Variants in FAM178B observed in about 807,000 individuals in gnomAD.
FAM178B encodes protein FAM178B.
In FAM178B, 82 loss-of-function variants were observed where a neutral mutation model predicts 91.7. The ratio of observed to expected loss-of-function variants is 0.89; its 90% CI spans 0.75 to 1.07. The LOEUF is 1.07. FAM178B is among the 50% of genes least tolerant of loss of function. The pLI is 0.00. For missense variants in FAM178B, 769 were observed against 846.7 expected, an observed-to-expected ratio of 0.91 and a Z score of 1.14; for synonymous variants, 368 against 359.4, an observed-to-expected ratio of 1.02 and a Z score of -0.27.
At chr2:96,948,237 C>G (rs114979404) in intron 7 of FAM178B, among the ~76,000 whole-genome samples, 4,627 of 152,340 alleles carry the variant, frequency 0.03, 231 homozygotes, top group African/African-American at 0.097. Flanking sequence ...GTGGTCATAG[C>G]CATGCCCCTC....
At chr2:96,932,942 A>AC (rs1491441174) in intron 8 of FAM178B, among the ~76,000 whole-genome samples, 1 of 85,836 alleles carries the variant, frequency 1.2e-5, no homozygotes, top group African/African-American at 1.1e-4. Flanking sequence ...TCCGTCTCAC[A>AC]AAAAAAAAAA....
chr2:96,980,170 G>A lies in FAM178B; in HGVS notation c.73+6071C>T, dbSNP rs368038351. ...GGCTCACTGCAACCTCCGCCTCCCC[G>A]TTTTAAGCAATTCTCATGCCTCAGC... is the stretch of plus-strand genomic sequence containing the variant. On this transcript the variant is annotated intron_variant, in intron 1 of 16. Coordinates refer to ENST00000490605, the MANE Select transcript of FAM178B (RefSeq NM_001122646.3). Among the ~76,000 whole-genome samples the A allele has an allele frequency of 2.1e-4, 31 of 150,410 alleles. No individual in the cohort carries two copies. In the East Asian group the frequency reaches 3.8e-3, roughly 18 times the overall value.
chr2:96,967,911 CTTTTTTTTTTTTTTTTTT>C (rs60965536), intron 4 of FAM178B, among the ~76,000 whole-genome samples: 2 of 62,418 alleles, frequency 3.2e-5, no homozygotes, highest in Non-Finnish European at 6.0e-5. Flanking sequence ...CCTGTTTGGT[CTTTTTTTTTTTTTTTTTT>C]TTTTTTTTTG....
chr2:96,942,480 C>A (rs868833687), intron 8 of FAM178B, among the ~76,000 whole-genome samples: 9 of 152,196 alleles, frequency 5.9e-5, no homozygotes, highest in African/African-American at 1.7e-4. Context: ...GCAACCTCCG[C>A]CTCCTAGGTT....
rs201446369 is a variant in FAM178B, at chr2:96,912,510, GGGAA to G, written c.1562+8651_1562+8654del. On this transcript the variant is annotated intron_variant, in intron 12 of 16. Coordinates refer to ENST00000490605, the MANE Select transcript of FAM178B (RefSeq NM_001122646.3). Reference sequence around the variant, plus strand: ...AGCCAGGAGGGCCCTGGGAAGCCCAGGGAAGGAAGTGCTGGTTGCTCATCAGGAA... The same window carrying G: ...AGCCAGGAGGGCCCTGGGAAGCCCAGGGAAGTGCTGGTTGCTCATCAGGAA... 2.8e-4 allele frequency among the ~76,000 whole-genome samples: 43 copies of G among 152,200 alleles called. No homozygotes were observed. In the East Asian group the frequency reaches 8.0e-3, roughly 28 times the overall value.
chr2:96,926,436 C>T (rs2081439683), intron 9 of FAM178B, among the ~76,000 whole-genome samples: 1 of 152,268 alleles, frequency 6.6e-6, no homozygotes. Flanking sequence ...GTAGCAGGAA[C>T]AGCCTTGGAG....
rs1355944176 is a variant in FAM178B at position 96,916,755 on chromosome 2, T to C, written c.1562+4410A>G. Among the ~76,000 whole-genome samples the C allele has an allele frequency of 2.6e-5, 4 of 152,346 alleles. No individual in the cohort carries two copies. In the East Asian group the frequency reaches 7.7e-4, roughly 29 times the overall value. ...CATTTGCAGTGCATCCCATGAAGTC[T>C]TGAACGCTGAGGCAGGGGCTGCGGG... On this transcript the variant is annotated intron_variant, in intron 12 of 16. Coordinates refer to ENST00000490605, the MANE Select transcript of FAM178B (RefSeq NM_001122646.3).
At chr2:96,951,114 A>G (rs958727537) in intron 7 of FAM178B, among the ~76,000 whole-genome samples, 15 of 152,202 alleles carry the variant, frequency 9.9e-5, no homozygotes, top group Admixed American at 9.8e-4. Context: ...CCAGAGACAC[A>G]CACCTTCGGG....
At chr2:96,971,805 G>A (rs972138164) in intron 3 of FAM178B, 96 bp downstream of exon 3, 18 of 1,168,458 alleles carry the variant, frequency 1.5e-5, no homozygotes, top group Non-Finnish European at 2.1e-5. Context: ...GAGCAGCTGG[G>A]GCGTGGCTCA....
At chr2:96,914,447 C>T (rs1026505145) in intron 12 of FAM178B, among the ~76,000 whole-genome samples, 1 of 152,158 alleles carries the variant, frequency 6.6e-6, no homozygotes, top group Non-Finnish European at 1.5e-5. Flanking sequence ...GGGGCCTTAG[C>T]GGCCACCTTA....
chr2:96,917,875 A>C (rs1230742001), intron 12 of FAM178B, among the ~76,000 whole-genome samples: 1 of 152,186 alleles, frequency 6.6e-6, no homozygotes, highest in African/African-American at 2.4e-5. Context: ...AACAAAAGGC[A>C]GAAAAATTGA....
At chr2:96,905,849 TATATATATA>T (rs2081036823) in intron 12 of FAM178B, among the ~76,000 whole-genome samples, 8 of 27,920 alleles carry the variant, frequency 2.9e-4, no homozygotes, top group Non-Finnish European at 5.1e-4. Context: ...TATATATATA[TATATATATA>T]TATTTTTTTT....
chr2:96,913,992 A>G (rs2081201145), intron 12 of FAM178B, among the ~76,000 whole-genome samples: 1 of 152,242 alleles, frequency 6.6e-6, no homozygotes, highest in South Asian at 2.1e-4. Context: ...TATTTCCATC[A>G]CAGGAAGAGA....
At chr2:96,927,351 A>G (rs2081459701) in intron 9 of FAM178B, among the ~76,000 whole-genome samples, 1 of 152,230 alleles carries the variant, frequency 6.6e-6, no homozygotes, top group Non-Finnish European at 1.5e-5. Flanking sequence ...CAGGGAAATC[A>G]GCCCTGCGGC....
Position 96,981,308 on chromosome 2 carries a change from G to A in FAM178B, c.73+4933C>T, listed in dbSNP as rs542931376. 1.8e-4 allele frequency among the ~76,000 whole-genome samples: 27 copies of A among 152,210 alleles called. No homozygotes were observed. In the South Asian group the frequency reaches 5.0e-3, roughly 28 times the overall value. ...CTCAAATGGGTAATACGTTGACTTCGTAACGAGGTCTCAGGGTGGCACATC... is the reference window on the plus strand; with the variant it reads ...CTCAAATGGGTAATACGTTGACTTCATAACGAGGTCTCAGGGTGGCACATC... On this transcript the variant is annotated intron_variant, in intron 1 of 16. Coordinates refer to ENST00000490605, the MANE Select transcript of FAM178B (RefSeq NM_001122646.3).
chr2:96,893,558 G>T (rs532939872), intron 14 of FAM178B, among the ~76,000 whole-genome samples: 1 of 152,086 alleles, frequency 6.6e-6, no homozygotes, highest in Non-Finnish European at 1.5e-5. Context: ...ACAACCCTGC[G>T]CTTATCCTGA....
intron 8 of FAM178B, among the ~76,000 whole-genome samples, chr2:96,931,863 T>G (rs1249457945): frequency 6.6e-6 from 1 of 151,904 alleles, no homozygotes; most frequent in African/African-American, 2.4e-5. Flanking sequence ...TTTGTTTTTT[T>G]TTTTTTTCCT....
chr2:96,895,973 G>T lies in FAM178B; in HGVS notation c.1651-1922C>A, dbSNP rs150993613. Among the ~76,000 whole-genome samples, 293 of 152,340 alleles carry T rather than the reference G, an allele frequency of 1.9e-3. 11 individuals are homozygous for T. The East Asian group carries it at 0.049, about 26-fold the overall frequency. Reference sequence around the variant, plus strand: ...GCCTAGTTTCTGATCCTTTTGGGAGGGGGGAGGAAGGTTCTGGGCGAAGGG... The same window carrying T: ...GCCTAGTTTCTGATCCTTTTGGGAGTGGGGAGGAAGGTTCTGGGCGAAGGG... On this transcript the variant is annotated intron_variant, in intron 13 of 16. Transcript: ENST00000490605.
chr2:96,878,382 C>T (rs1333832017), intron 15 of FAM178B, 34 bp downstream of exon 15: 2 of 1,595,932 alleles, frequency 1.3e-6, no homozygotes, highest in Non-Finnish European at 1.7e-6. Context: ...CAGCTGGGCA[C>T]CCCCACCACA....
Sources: allele counts gnomAD v4.1 joint callset (sites outside exome capture counted in the v4.1 genomes callset), GRCh38; gene constraint gnomAD v4.1.1; transcripts MANE v1.5; gene names NCBI Gene and HGNC (gene_info 2026-07-23, HGNC 2026-07-21).